Variants in ZNF800 observed in about 807,000 individuals in gnomAD.
ZNF800 encodes zinc finger protein 800.
ZNF800 carries 13 observed loss-of-function variants against 59.5 expected under a neutral mutation model. The ratio of observed to expected loss-of-function variants is 0.22; its 90% CI spans 0.14 to 0.35. The LOEUF (loss-of-function observed/expected upper bound fraction) is 0.35, where lower values mean the gene tolerates loss of function less well. ZNF800 is among the 10% of genes least tolerant of loss of function. ZNF800 has a pLI of 1.00. For synonymous variants in ZNF800, 266 were observed against 265.7 expected (o/e 1.00, Z -0.01); for missense variants, 621 against 783.7 (o/e 0.79, Z 2.48).
intron 1 of ZNF800, chr7:127,351,285 C>A (rs1254764487): frequency 6.6e-6 from 1 of 152,234 alleles, no homozygotes; most frequent in Non-Finnish European, 1.5e-5. Flanking sequence ...CAAATCCTGT[C>A]CATCTCTCAA....
At chr7:127,364,995 A>T (rs562055599) in intron 1 of ZNF800, among the ~76,000 whole-genome samples, 23 of 152,244 alleles carry the variant, frequency 1.5e-4, no homozygotes, top group Non-Finnish European at 2.9e-4. Flanking sequence ...TCAATCAACA[A>T]TTGTGGGCAT....
At chr7:127,372,154 T>A (rs899872064) in intron 5 of ZNF800, among the ~76,000 whole-genome samples, 3 of 152,146 alleles carry the variant, frequency 2.0e-5, no homozygotes, top group African/African-American at 7.2e-5. Context: ...TTTTTAAAAA[T>A]CTACATTTGT....
intron 1 of ZNF800, among the ~76,000 whole-genome samples, chr7:127,359,098 T>C (rs1800341837): frequency 6.6e-6 from 1 of 152,120 alleles, no homozygotes; most frequent in Admixed American, 6.5e-5. Context: ...ATAAACTCTT[T>C]AATTAACATG....
At chr7:127,388,043 T>C (rs932383478) in intron 2 of ZNF800, among the ~76,000 whole-genome samples, 1 of 152,116 alleles carries the variant, frequency 6.6e-6, no homozygotes, top group Non-Finnish European at 1.5e-5. Context: ...ATTCTTTTTC[T>C]GCCATTTACT....
At position 127,392,414 on chromosome 7, in the gene ZNF800, C is replaced by G. The variant is rs1290967559; in HGVS notation, c.-413G>C. 2.6e-6 allele frequency: 1 copy of G among 377,668 alleles called. No individual in the cohort carries two copies. The highest frequency in any genetic ancestry group is 4.7e-6 in the Non-Finnish European group (1 of 212,906). The allele number at this position is 377,668 out of a possible 1,614,324, so 23.4% of individuals were successfully genotyped here. A position where few individuals can be genotyped will look rare whatever the true frequency, so the allele number is the denominator to read the frequency against. ...ACCACCGAAGGAGCCGGAACCGGAG[C>G]GGGCAGGACCTGAGGCTTCCCTCGC... On this transcript the variant is annotated 5_prime_UTR_variant, in exon 1 of 6. Transcript: ENST00000265827.
chr7:127,366,135 T>G (rs1800502791), downstream of ZNF800, among the ~76,000 whole-genome samples: 1 of 152,118 alleles, frequency 6.6e-6, no homozygotes, highest in Non-Finnish European at 1.5e-5. Flanking sequence ...GGACTTGAAT[T>G]CAGGTCTTCT....
At chr7:127,382,078 C>G (rs940463648) in intron 3 of ZNF800, among the ~76,000 whole-genome samples, 1 of 152,132 alleles carries the variant, frequency 6.6e-6, no homozygotes, top group Non-Finnish European at 1.5e-5. Flanking sequence ...GAGTTCCCTG[C>G]ATGTACTGCT....
chr7:127,358,938 T>C (rs17869492), intron 1 of ZNF800, among the ~76,000 whole-genome samples: 68 of 152,224 alleles, frequency 4.5e-4, no homozygotes, highest in African/African-American at 1.5e-3. Context: ...GCCAAAAAAA[T>C]TGTTTAATTT....
At chr7:127,346,741 T>C (rs1337819102), downstream of ZNF800, 2 of 152,168 alleles carry the variant, frequency 1.3e-5, no homozygotes, top group South Asian at 2.1e-4. Flanking sequence ...AAGAGTTTTA[T>C]TAAGGGAACT....
At chr7:127,354,989 C>G (rs575235129) in intron 1 of ZNF800, among the ~76,000 whole-genome samples, 1 of 152,034 alleles carries the variant, frequency 6.6e-6, no homozygotes, top group Non-Finnish European at 1.5e-5. Context: ...ACCTTTTTGA[C>G]ATATCCAAAC....
At chr7:127,366,712 C>T (rs1419398), downstream of ZNF800, among the ~76,000 whole-genome samples, 20,453 of 152,044 alleles carry the variant, frequency 0.13, 1,647 homozygotes, top group Middle Eastern at 0.22. Flanking sequence ...AAGAGATTCC[C>T]ACCAAAAGAT....
rs907796297 is a variant in ZNF800, at chr7:127,373,011, C to T, written c.1994+331G>A. 16 of 984,944 alleles carry T rather than the reference C, an allele frequency of 1.6e-5. No individual in the cohort carries two copies. In the African/African-American group the frequency reaches 2.8e-4, roughly 17 times the overall value. The allele number at this position is 984,944 out of a possible 1,614,324, so 61.0% of individuals were successfully genotyped here. A position where few individuals can be genotyped will look rare whatever the true frequency, so the allele number is the denominator to read the frequency against. Reference sequence around the variant, plus strand: ...TTAAACCTGTGCAAAGTTAGTTAAACAGAAGACTTCTATTGTAAACATAAG... The same window carrying T: ...TTAAACCTGTGCAAAGTTAGTTAAATAGAAGACTTCTATTGTAAACATAAG... On this transcript the variant is annotated intron_variant, in intron 5 of 5. Transcript: ENST00000265827.
chr7:127,387,842 C>T (rs1164861380), intron 2 of ZNF800, among the ~76,000 whole-genome samples: 1 of 151,774 alleles, frequency 6.6e-6, no homozygotes. Flanking sequence ...GCCTGGGCAA[C>T]ACAGCAAAAC....
chr7:127,377,079 A>C lies in ZNF800; in HGVS notation c.301+107T>G. 9.9e-7 allele frequency: 1 copy of C among 1,007,452 alleles called. No homozygotes were observed. The highest frequency in any genetic ancestry group is 1.4e-6 in the Non-Finnish European group (1 of 705,916). 62.4% of individuals were successfully genotyped at this position (1,007,452 alleles called of 1,614,324 possible). A position where few individuals can be genotyped will look rare whatever the true frequency, so the allele number is the denominator to read the frequency against. On this transcript the variant is annotated intron_variant, in intron 4 of 5. Transcript: ENST00000265827. This position sits in a 1 kb window ranked among gnomAD's most constrained non-coding sequence, Gnocchi z 4.7. ...TAAAAATTATCTGTAACTAGACATC[A>C]TTATCAAATTATCAGTAACTAGATA...
intron 3 of ZNF800, among the ~76,000 whole-genome samples, chr7:127,378,191 G>A (rs139733187): frequency 6.6e-5 from 10 of 152,084 alleles, no homozygotes; most frequent in African/African-American, 2.4e-4. Flanking sequence ...TTGAAGAAAC[G>A]CTACTAATCT....
downstream of ZNF800, among the ~76,000 whole-genome samples, chr7:127,368,026 A>C (rs1029259977): frequency 6.6e-6 from 1 of 152,062 alleles, no homozygotes; most frequent in Non-Finnish European, 1.5e-5. Context: ...TTTGGTGTGG[A>C]GCAATGAAGA....
intron 5 of ZNF800, 192 bp downstream of exon 5, chr7:127,373,150 G>T: frequency 1.0e-6 from 1 of 985,424 alleles, no homozygotes; most frequent in Non-Finnish European, 1.2e-6. Context: ...GTTAACTTTT[G>T]TTCCCAAGCC....
chr7:127,372,774 A>C lies in ZNF800; in HGVS notation c.1994+568T>G, dbSNP rs112572681. The C allele has an allele frequency of 5.1e-4, 501 of 985,398 alleles. 2 individuals carry two copies. In the African/African-American group the frequency reaches 8.0e-3, roughly 16 times the overall value. The allele number at this position is 985,398 out of a possible 1,614,324, so 61.0% of individuals were successfully genotyped here. A position where few individuals can be genotyped will look rare whatever the true frequency, so the allele number is the denominator to read the frequency against. On this transcript the variant is annotated intron_variant, in intron 5 of 5. Transcript: ENST00000265827. ...CCCTTTGCCTGGAAGCACTATGTTA[A>C]AAGTAAATGATAAATGCTAATCATT...
At chr7:127,383,341 T>C (rs1179928048) in intron 3 of ZNF800, among the ~76,000 whole-genome samples, 1 of 152,252 alleles carries the variant, frequency 6.6e-6, no homozygotes, top group African/African-American at 2.4e-5. Flanking sequence ...ATTACTACCA[T>C]TCAACCTGAT....
Sources: gnomAD v4.1 joint callset for allele counts (sites outside exome capture counted in the v4.1 genomes callset) on GRCh38, gnomAD v4.1.1 for gene constraint, Gnocchi (gnomAD v3.1) non-coding constraint, MANE v1.5 for transcripts, NCBI Gene and HGNC (gene_info 2026-07-23, HGNC 2026-07-21) for gene names.